The following ECE2 variants were observed in gnomAD, a reference collection of about 807,000 sequenced individuals.
ECE2 encodes endothelin-converting enzyme 2.
ECE2 carries 81 observed loss-of-function variants against 100.6 expected under a neutral mutation model. That is an observed-to-expected ratio of 0.81 (90% confidence interval 0.67 to 0.97). The LOEUF (loss-of-function observed/expected upper bound fraction) is 0.97, where lower values mean the gene tolerates loss of function less well. Ranked by LOEUF, ECE2 falls within the 50% of genes least tolerant of loss-of-function variation. The pLI, the probability that ECE2 is intolerant of heterozygous loss-of-function variation, is 0.00. For missense variants in ECE2, 911 were observed against 988.1 expected (o/e 0.92, Z 1.05); for synonymous variants, 391 against 391.5 (o/e 1.00, Z 0.02).
rs1343837431 is a variant in ECE2 at position 184,276,159 on chromosome 3, C to T, written c.6C>T (p.Asn2=). The change falls in exon 1 of 19, where the codon AAC becomes AAT. Residue 2 remains asparagine (N), a synonymous_variant. Coordinates refer to ENST00000404464, the MANE Select transcript of ECE2 (RefSeq NM_001100121.2). The part of the protein sequence containing the change: M[N]VALQELGAGS... ...CCGCCTGGCCCGACTCCACCATGAA[C>T]GTCGCGCTGCAGGAGCTGGGAGCTG... 9 of 1,432,512 alleles carry T rather than the reference C, an allele frequency of 6.3e-6. No individual in the cohort carries two copies. The highest frequency in any genetic ancestry group is 1.5e-5 in the African/African-American group (1 of 68,062). The allele number at this position is 1,432,512 out of a possible 1,614,324, so 88.7% of individuals were successfully genotyped here. A position where few individuals can be genotyped will look rare whatever the true frequency, so the allele number is the denominator to read the frequency against.
At chr3:184,290,702 C>T in intron 15 of ECE2, 35 bp downstream of exon 15, 1 of 1,612,868 alleles carries the variant, frequency 6.2e-7, no homozygotes, top group Non-Finnish European at 8.5e-7. Flanking sequence ...GGTGCTGGGG[C>T]CTGGGCCTGT....
rs1284107560 is a variant in ECE2, at chr3:184,290,855, A to G, written c.1829A>G (p.Asp610Gly). Residue 610 changes from aspartate to glycine, a missense_variant, in exon 16 of 19, where the codon GAC becomes GGC. Asp to Gly is a moderately conservative substitution (Grantham distance 94, BLOSUM62 -1). Coordinates refer to ENST00000404464, the MANE Select transcript of ECE2 (RefSeq NM_001100121.2). Reference protein sequence around the residue: ...MGHELTHAFDDQGREYDKEGN... With the variant: ...MGHELTHAFDGQGREYDKEGN... ...CATGAGTTGACGCATGCCTTTGATG[A>G]CCAAGGTAGGGGCCCATGGAGTCGT... 2.5e-6 allele frequency: 4 copies of G among 1,614,098 alleles called. No individual in the cohort carries two copies. The highest frequency in any genetic ancestry group is 1.7e-5 in the Admixed American group (1 of 60,014).
chr3:184,277,170 G>A (rs576418659), intron 3 of ECE2, 81 bp from the exon 4 acceptor site: 2 of 1,604,076 alleles, frequency 1.2e-6, no homozygotes, highest in African/African-American at 1.3e-5. Flanking sequence ...CCTTCCTGCT[G>A]TCATGGCCCT....
At chr3:184,287,338 G>A (rs899169639) in intron 10 of ECE2, among the ~76,000 whole-genome samples, 3 of 151,960 alleles carry the variant, frequency 2.0e-5, no homozygotes, top group African/African-American at 7.3e-5. Context: ...TGGGGGGTTA[G>A]GGAGATGGAG....
chr3:184,291,220 C>CT lies in ECE2; in HGVS notation c.2016dup (p.Ala673CysfsTer71), dbSNP rs753592635. 1 of 1,611,666 alleles carries CT rather than the reference C, an allele frequency of 6.2e-7. No individual in the cohort carries two copies. Among genetic ancestry groups the CT allele is most frequent in the Non-Finnish European group, 8.5e-7 (1 of 1,178,784 alleles). The stretch of plus-strand genomic sequence containing the variant: ...ATTGCTGACAACGGGGGGCTGAAGG[C>CT]TGCCTACAATGTGAGTGGCCTGACC... On this transcript the variant is annotated frameshift_variant, in exon 17 of 19. Coordinates refer to ENST00000404464, the MANE Select transcript of ECE2 (RefSeq NM_001100121.2). LOFTEE classifies it high-confidence loss of function. This position sits in a 1 kb window ranked among gnomAD's most constrained non-coding sequence, Gnocchi z 4.1.
chr3:184,276,114 C>G lies in ECE2; in HGVS notation c.-40C>G. 6 of 1,294,572 alleles carry G rather than the reference C, an allele frequency of 4.6e-6. No homozygotes were observed. Among genetic ancestry groups the G allele is most frequent in the Non-Finnish European group, 5.9e-6 (6 of 1,023,996 alleles). The allele number at this position is 1,294,572 out of a possible 1,614,324, so 80.2% of individuals were successfully genotyped here. A position where few individuals can be genotyped will look rare whatever the true frequency, so the allele number is the denominator to read the frequency against. On this transcript the variant is annotated 5_prime_UTR_variant, in exon 1 of 19. Coordinates refer to ENST00000404464, the MANE Select transcript of ECE2 (RefSeq NM_001100121.2). ...GGGCCGCGGCCCGGGAGCGGGCCAG[C>G]TGCCGGGAGCCCTGAATCACCGCCT...
In ECE2 at chr3:184,289,154, CA is replaced by C. The variant is rs780697073; in HGVS notation, c.1375-268del. Reference sequence around the variant, plus strand: ...TAGGTAACACAGCCAGACTCTGTCTCAAAAAAAAAAAAAAATCATTGCACTA... The same window carrying C: ...TAGGTAACACAGCCAGACTCTGTCTCAAAAAAAAAAAAAATCATTGCACTA... On this transcript the variant is annotated intron_variant, in intron 11 of 18. Coordinates refer to ENST00000404464, the MANE Select transcript of ECE2 (RefSeq NM_001100121.2). This position sits in a 1 kb window ranked among gnomAD's most constrained non-coding sequence, Gnocchi z 4.1. 0.024 allele frequency among the ~76,000 whole-genome samples: 2,731 copies of C among 115,934 alleles called. 20 individuals carry two copies. The highest frequency in any genetic ancestry group is 0.03 in the Non-Finnish European group (1,673 of 54,962). 76.1% of individuals were successfully genotyped at this position (115,934 alleles called of 152,430 possible). A position where few individuals can be genotyped will look rare whatever the true frequency, so the allele number is the denominator to read the frequency against.
intron 10 of ECE2, among the ~76,000 whole-genome samples, chr3:184,286,793 G>GT (rs1157119573): frequency 6.4e-5 from 5 of 78,402 alleles, no homozygotes; most frequent in South Asian, 3.8e-4. Flanking sequence ...GCAAAACTCT[G>GT]TTTAAAAAAA....
At chr3:184,277,194 T>C in intron 3 of ECE2, 57 bp from the exon 4 acceptor site, 1 of 1,611,070 alleles carries the variant, frequency 6.2e-7, no homozygotes, top group East Asian at 2.2e-5. Flanking sequence ...AGAGTTTGCC[T>C]CTTCCAGACA....
intron 15 of ECE2, 60 bp from the exon 16 acceptor site, chr3:184,290,733 T>C (rs1721272691): frequency 1.2e-6 from 2 of 1,612,548 alleles, no homozygotes. Flanking sequence ...GGAGCAGGGC[T>C]GGAGGTGGGA....
chr3:184,284,369 C>A (rs921398193), intron 8 of ECE2, among the ~76,000 whole-genome samples: 10 of 151,918 alleles, frequency 6.6e-5, no homozygotes, highest in Non-Finnish European at 1.2e-4. Context: ...ATGGTGAAAC[C>A]CCATCTCTAC....
rs200653424 is a variant in ECE2, at chr3:184,287,874, C to T, written c.1301C>T (p.Thr434Met). 149 of 1,614,170 alleles carry T rather than the reference C, an allele frequency of 9.2e-5. No individual in the cohort carries two copies. The highest frequency in any genetic ancestry group is 1.2e-4 in the Non-Finnish European group (143 of 1,180,024). The part of the protein sequence containing the change: ...VPRWQTCISN[T>M]DDALGFALGS... Reference sequence around the variant, plus strand: ...AGGTGGCAGACCTGCATCTCCAACACGGATGACGCCCTTGGCTTTGCTTTG... The same window carrying T: ...AGGTGGCAGACCTGCATCTCCAACATGGATGACGCCCTTGGCTTTGCTTTG... The change falls in exon 11 of 19, where the codon ACG becomes ATG. Residue 434 changes from threonine to methionine, a missense_variant. By Grantham distance (81) the Thr-to-Met change is moderately conservative (BLOSUM62 -1). Coordinates refer to ENST00000404464, the MANE Select transcript of ECE2 (RefSeq NM_001100121.2).
At chr3:184,290,992 A>G (rs756743920) in intron 16 of ECE2, 48 bp from the exon 17 acceptor site, 9 of 1,558,550 alleles carry the variant, frequency 5.8e-6, no homozygotes, top group Non-Finnish European at 7.8e-6. Flanking sequence ...GCTGCCCCCA[A>G]GAGACGAGCT....
Position 184,287,832 on chromosome 3 carries a change from A to G in ECE2, c.1264-5A>G. 7 of 1,613,872 alleles carry G rather than the reference A, an allele frequency of 4.3e-6. No individual in the cohort carries two copies. Among genetic ancestry groups the G allele is most frequent in the Non-Finnish European group, 5.9e-6 (7 of 1,179,774 alleles). On this transcript the variant is annotated splice_polypyrimidine_tract_variant and splice_region_variant and intron_variant, in intron 10 of 18. Coordinates refer to ENST00000404464, the MANE Select transcript of ECE2 (RefSeq NM_001100121.2). ...CTAGGGTCCTGGCTCTTTGTCCTTTAACAGTCCTGTGTGCCGAGGTGGCAG... is the reference window on the plus strand; with the variant it reads ...CTAGGGTCCTGGCTCTTTGTCCTTTGACAGTCCTGTGTGCCGAGGTGGCAG...
At position 184,283,916 on chromosome 3, in the gene ECE2, G is replaced by C; in HGVS notation, c.948G>C (p.Gln316His). The change falls in exon 8 of 19, where the codon CAG (glutamine) becomes CAC (histidine). Residue 316 changes from glutamine (Q) to histidine (H), a missense_variant. Coordinates refer to ENST00000404464, the MANE Select transcript of ECE2 (RefSeq NM_001100121.2). ...AGCTGGCCAACATCACAGTGCCCCA[G>C]GACCAGCGGCGCGACGAGGAGAAGA... ...EIQLANITVPQDQRRDEEKIY... is the reference protein window; with the variant it reads ...EIQLANITVPHDQRRDEEKIY... The C allele has an allele frequency of 1.9e-6, 3 of 1,614,052 alleles. No homozygotes were observed. Among genetic ancestry groups the C allele is most frequent in the Non-Finnish European group, 2.5e-6 (3 of 1,180,032 alleles).
At chr3:184,284,009 G>GT in intron 8 of ECE2, 36 bp downstream of exon 8, 1 of 1,607,918 alleles carries the variant, frequency 6.2e-7, no homozygotes, top group Non-Finnish European at 8.5e-7. Context: ...AACTGAGAGG[G>GT]GCCAGCCTTG....
chr3:184,290,330 C>T lies in ECE2; in HGVS notation c.1627C>T (p.Gln543Ter). 1.2e-6 allele frequency: 2 copies of T among 1,613,936 alleles called. No individual in the cohort carries two copies. The highest frequency in any genetic ancestry group is 1.1e-5 in the South Asian group (1 of 91,066). Residue 543 changes from glutamine (Q) to a stop codon, truncating the protein, a stop_gained, in exon 14 of 19, where the codon CAG becomes TAG. Transcript: ENST00000404464. LOFTEE classifies it high-confidence loss of function. ...YNFSAKVMAD[Q>*]LRKPPSRDQW... The stretch of plus-strand genomic sequence containing the variant: ...CTTCTCTGCCAAGGTTATGGCTGAC[C>T]AGCTCCGCAAGCCTCCCAGCCGAGA...
chr3:184,283,980 C>A lies in ECE2; in HGVS notation c.1005+7C>A. 1 of 1,613,230 alleles carries A rather than the reference C, an allele frequency of 6.2e-7. No individual in the cohort carries two copies. The highest frequency in any genetic ancestry group is 1.1e-5 in the South Asian group (1 of 91,014). On this transcript the variant is annotated splice_region_variant and intron_variant, in intron 8 of 18. Transcript: ENST00000404464. ...GAGCATTTCGGAGCTGCAGGTGGGG[C>A]AGGCAGGGGGCTGGAGACAACTGAG...
At chr3:184,290,471 C>T in intron 14 of ECE2, 86 bp from the exon 15 acceptor site, 2 of 1,562,914 alleles carry the variant, frequency 1.3e-6, no homozygotes, top group Non-Finnish European at 1.8e-6. Flanking sequence ...GGCCCCATAC[C>T]CTTGCAGGAG....
Sources: allele counts gnomAD v4.1 joint callset (sites outside exome capture counted in the v4.1 genomes callset), GRCh38; gene constraint gnomAD v4.1.1; non-coding constraint Gnocchi (gnomAD v3.1); transcripts MANE v1.5; gene names NCBI Gene and HGNC (gene_info 2026-07-23, HGNC 2026-07-21).